LPGAT1: variants seen among roughly 807,000 people sequenced by gnomAD.
LPGAT1 encodes acyl-CoA:lysophosphatidylglycerol acyltransferase 1.
In LPGAT1, 11 loss-of-function variants were observed where a neutral mutation model predicts 47.5. The ratio of observed to expected loss-of-function variants is 0.23; its 90% CI spans 0.15 to 0.38. The LOEUF is 0.38. Ranked by LOEUF, LPGAT1 falls within the 10% of genes least tolerant of loss-of-function variation. The probability of loss-of-function intolerance (pLI) is 1.00; values close to 1 mark genes in which losing one functional copy is unlikely to be tolerated. For synonymous variants in LPGAT1, 138 were observed against 144.2 expected, an observed-to-expected ratio of 0.96 and a Z score of 0.31; for missense variants, 293 against 439.0, an observed-to-expected ratio of 0.67 and a Z score of 2.97.
intron 6 of LPGAT1, among the ~76,000 whole-genome samples, chr1:211,778,365 A>AC (rs1558264356): frequency 6.7e-6 from 1 of 149,772 alleles, no homozygotes; most frequent in Non-Finnish European, 1.5e-5. Flanking sequence ...AAAAAAAAAA[A>AC]AAAAAAAAAG....
chr1:211,773,394 T>TC lies in LPGAT1; in HGVS notation c.854+5523dup, dbSNP rs539257684. Among the ~76,000 whole-genome samples, 46 of 152,226 alleles carry TC rather than the reference T, an allele frequency of 3.0e-4. 1 individual carries two copies. The South Asian group carries it at 8.9e-3, about 29-fold the overall frequency. ...ATTAATATTTCTTTTCCAAATTAAT[T>TC]CCCCCTCCCCAAATTAAAATAAGTT... On this transcript the variant is annotated intron_variant, in intron 6 of 7. Transcript: ENST00000366997.
chr1:211,789,698 C>T (rs57845978), intron 3 of LPGAT1, among the ~76,000 whole-genome samples: 2,701 of 152,110 alleles, frequency 0.018, 88 homozygotes, highest in African/African-American at 0.061. Context: ...TGGTCAACCT[C>T]GTCTCTACTA....
intron 4 of LPGAT1, among the ~76,000 whole-genome samples, chr1:211,784,704 G>C (rs186938554): frequency 1.3e-5 from 2 of 151,644 alleles, no homozygotes; most frequent in African/African-American, 4.8e-5. Context: ...AGTTGAGAGG[G>C]AAAGAGAGAA....
intron 2 of LPGAT1, among the ~76,000 whole-genome samples, chr1:211,803,549 T>C (rs77678552): frequency 0.066 from 9,984 of 152,120 alleles, 404 homozygotes; most frequent in Non-Finnish European, 0.087. Flanking sequence ...TTAGTGATCA[T>C]TTCATACCAA....
chr1:211,792,504 C>A (rs969062201), intron 3 of LPGAT1: 1 of 151,484 alleles, frequency 6.6e-6, no homozygotes, highest in Non-Finnish European at 1.5e-5. Flanking sequence ...GCTTTCCTCC[C>A]AGTTACTATT....
At position 211,830,354 on chromosome 1, in the gene LPGAT1, A is replaced by C; in HGVS notation, c.-28+219T>G. On this transcript the variant is annotated intron_variant, in intron 1 of 7. Coordinates refer to ENST00000366997, the MANE Select transcript of LPGAT1 (RefSeq NM_014873.3). The surrounding 1 kb of genome is among the most constrained non-coding windows in gnomAD (Gnocchi z 5.9). ...GCCTGCGGACAGAGGGACGGCGGGG[A>C]CTCAGAGGCCGGACCTGTCACCCGG... The C allele has an allele frequency of 8.7e-7, 1 of 1,147,438 alleles. No homozygotes were observed. 71.1% of individuals were successfully genotyped at this position (1,147,438 alleles called of 1,614,324 possible).
intron 2 of LPGAT1, among the ~76,000 whole-genome samples, chr1:211,826,660 G>T (rs1175461989): frequency 1.7e-5 from 1 of 57,740 alleles, no homozygotes; most frequent in African/African-American, 6.2e-5. Context: ...TCATAATTTG[G>T]AAAAAGATAT....
chr1:211,764,235 C>A (rs1409121646), intron 6 of LPGAT1, among the ~76,000 whole-genome samples: 3 of 151,750 alleles, frequency 2.0e-5, no homozygotes, highest in Admixed American at 6.6e-5. Flanking sequence ...TATGATTATA[C>A]CTATTAGTTT....
chr1:211,814,692 TAA>T, intron 2 of LPGAT1, among the ~76,000 whole-genome samples: 1 of 152,098 alleles, frequency 6.6e-6, no homozygotes, highest in Non-Finnish European at 1.5e-5. Context: ...ATAAAAAATG[TAA>T]AAAGTCTTCC....
At chr1:211,806,259 CA>C (rs141014104) in intron 2 of LPGAT1, among the ~76,000 whole-genome samples, 12,346 of 88,086 alleles carry the variant, frequency 0.14, 523 homozygotes, top group Middle Eastern at 0.24. Context: ...GGGTCTGTCT[CA>C]AAAAAAAAAA....
chr1:211,791,786 A>C (rs1346468809), intron 3 of LPGAT1, among the ~76,000 whole-genome samples: 7 of 145,642 alleles, frequency 4.8e-5, no homozygotes, highest in African/African-American at 1.2e-4. Context: ...AAAAAAAAAA[A>C]CAAAAAAAAA....
At chr1:211,795,970 A>C (rs963220530) in intron 2 of LPGAT1, among the ~76,000 whole-genome samples, 2 of 152,134 alleles carry the variant, frequency 1.3e-5, no homozygotes, top group Non-Finnish European at 2.9e-5. Flanking sequence ...GGTAATGTGG[A>C]CAGTTTTCTG....
intron 6 of LPGAT1, among the ~76,000 whole-genome samples, chr1:211,761,128 C>T (rs1364713603): frequency 6.6e-6 from 1 of 152,150 alleles, no homozygotes; most frequent in East Asian, 1.9e-4. Flanking sequence ...GCTTTGTTGA[C>T]ACTCACTGCT....
chr1:211,763,122 T>A (rs1224796018), intron 6 of LPGAT1, among the ~76,000 whole-genome samples: 2 of 152,208 alleles, frequency 1.3e-5, no homozygotes, highest in Non-Finnish European at 1.5e-5. Flanking sequence ...ATAAAAGAGA[T>A]ATCACTTGAA....
intron 6 of LPGAT1, among the ~76,000 whole-genome samples, chr1:211,762,493 A>G (rs1657739290): frequency 6.6e-6 from 1 of 152,258 alleles, no homozygotes. Context: ...TGGTCACCAT[A>G]GGATTAAAAT....
chr1:211,750,000 T>C lies in LPGAT1; in HGVS notation c.1012A>G (p.Thr338Ala). 1.2e-6 allele frequency: 2 copies of C among 1,614,030 alleles called. No individual in the cohort carries two copies. The highest frequency in any genetic ancestry group is 2.2e-5 in the South Asian group (2 of 91,076). ...GHKEAVSREM[T>A]LSNLWIFLIQ... The stretch of plus-strand genomic sequence containing the variant: ...AGAAATATCCACAAGTTGCTGAGGG[T>C]CATCTCCCTGGAAACAGCTTCCTTA... The change falls in exon 8 of 8, where the codon ACC becomes GCC. Residue 338 changes from threonine (T) to alanine (A), a missense_variant. Coordinates refer to ENST00000366997, the MANE Select transcript of LPGAT1 (RefSeq NM_014873.3).
chr1:211,763,266 C>T (rs1334454014), intron 6 of LPGAT1, among the ~76,000 whole-genome samples: 1 of 152,176 alleles, frequency 6.6e-6, no homozygotes, highest in Non-Finnish European at 1.5e-5. Flanking sequence ...GAGTGTTCTG[C>T]TTTCATGAAT....
In LPGAT1 at chr1:211,746,467, T is replaced by G. The variant is rs938498914; in HGVS notation, c.*3432A>C. The G allele has an allele frequency of 1.1e-4, 17 of 152,154 alleles. No individual in the cohort carries two copies. Among genetic ancestry groups the G allele is most frequent in the African/African-American group, 3.6e-4 (15 of 41,428 alleles). 9.4% of individuals were successfully genotyped at this position (152,154 alleles called of 1,614,324 possible). A position where few individuals can be genotyped will look rare whatever the true frequency, so the allele number is the denominator to read the frequency against. ...CATAAATATATAGGCAAAAAACCCCTAAGAAACAACTTAAATCATTTAATT... is the reference window on the plus strand; with the variant it reads ...CATAAATATATAGGCAAAAAACCCCGAAGAAACAACTTAAATCATTTAATT... On this transcript the variant is annotated 3_prime_UTR_variant, in exon 8 of 8. Coordinates refer to ENST00000366997, the MANE Select transcript of LPGAT1 (RefSeq NM_014873.3).
chr1:211,755,495 T>C (rs896700202), intron 6 of LPGAT1, among the ~76,000 whole-genome samples: 3 of 151,958 alleles, frequency 2.0e-5, no homozygotes, highest in Non-Finnish European at 4.4e-5. Context: ...ATTTAAACAT[T>C]TAAATATCAG....
Sources: gnomAD v4.1 joint callset for allele counts (sites outside exome capture counted in the v4.1 genomes callset) on GRCh38, gnomAD v4.1.1 for gene constraint, Gnocchi (gnomAD v3.1) non-coding constraint, MANE v1.5 for transcripts, NCBI Gene and HGNC (gene_info 2026-07-23, HGNC 2026-07-21) for gene names.